SLC26A4: variants seen among roughly 807,000 people sequenced by gnomAD.
SLC26A4 encodes the protein solute carrier family 26 member 4.
A neutral mutation model predicts 90.4 loss-of-function variants in SLC26A4; 93 were observed. That is an observed-to-expected ratio of 1.03 (90% CI 0.87 to 1.22). The LOEUF (loss-of-function observed/expected upper bound fraction) is 1.22. Ranked by LOEUF, SLC26A4 falls within the 50% of genes most tolerant of loss-of-function variation. The pLI, the probability that SLC26A4 is intolerant of heterozygous loss-of-function variation, is 0.00. For missense variants in SLC26A4, 1,127 were observed against 946.2 expected (o/e 1.19, Z -2.51); for synonymous variants, 393 against 354.6 (o/e 1.11, Z -1.22).
chr7:107,664,712 A>T (rs1790662444), intron 3 of SLC26A4, among the ~76,000 whole-genome samples: 1 of 152,150 alleles, frequency 6.6e-6, no homozygotes, highest in Non-Finnish European at 1.5e-5. Context: ...GTTCTTTTAT[A>T]AACTGAGTTC....
intron 8 of SLC26A4, among the ~76,000 whole-genome samples, chr7:107,688,088 T>C (rs1791467621): frequency 6.6e-6 from 1 of 152,166 alleles, no homozygotes; most frequent in Non-Finnish European, 1.5e-5. Flanking sequence ...ACCCACTAAC[T>C]GACATCAAGC....
In SLC26A4 at chr7:107,701,913, A is replaced by G. The variant is rs1791899090; in HGVS notation, c.1890A>G (p.Pro630=). 5.6e-6 allele frequency: 9 copies of G among 1,613,350 alleles called. No individual in the cohort carries two copies. The highest frequency in any genetic ancestry group is 6.8e-6 in the Non-Finnish European group (8 of 1,179,378). ...DIEDLEELDI[P]TKEIEIQVDW... ...AAGATCTGGAGGAACTTGATATCCC[A>G]ACCAAGGAAATAGAGATTCAAGTGG... The change falls in exon 17 of 21, where the codon CCA becomes CCG. Residue 630 remains proline (P), a synonymous_variant. Coordinates refer to ENST00000644269, the MANE Select transcript of SLC26A4 (RefSeq NM_000441.2).
Position 107,710,179 on chromosome 7 carries a change from C to T in SLC26A4, c.2215C>T (p.Gln739Ter), listed in dbSNP as rs727503431. Residue 739 changes from glutamine to a stop codon, truncating the protein, a stop_gained, in exon 19 of 21, where the codon CAA becomes TAA. Transcript: ENST00000644269. LOFTEE classifies it high-confidence loss of function. ...GAACCAAGTGAAATCTCAAGAGGGT[C>T]AAGGTTCCATTTTAGAAACGGTAAA... ...LQNQVKSQEG[Q>*]GSILETITLI... 6.2e-7 allele frequency: 1 copy of T among 1,605,184 alleles called. No individual in the cohort carries two copies. The highest frequency in any genetic ancestry group is 1.7e-5 in the Admixed American group (1 of 59,992).
Position 107,700,183 on chromosome 7 carries a change from T to A in SLC26A4, c.1707+8T>A, listed in dbSNP as rs890794359. Reference sequence around the variant, plus strand: ...AAATGTATCAAGTCCACAGTAAGTATTTTATCCCTAGAAATTTGTTTTCTA... The same window carrying A: ...AAATGTATCAAGTCCACAGTAAGTAATTTATCCCTAGAAATTTGTTTTCTA... On this transcript the variant is annotated splice_region_variant and intron_variant, in intron 15 of 20. Transcript: ENST00000644269. 6 of 1,393,946 alleles carry A rather than the reference T, an allele frequency of 4.3e-6. No individual in the cohort carries two copies. The African/African-American group carries it at 7.1e-5, about 16-fold the overall frequency. The allele number at this position is 1,393,946 out of a possible 1,614,324, so 86.3% of individuals were successfully genotyped here.
chr7:107,664,728 A>G (rs917186603), intron 3 of SLC26A4, among the ~76,000 whole-genome samples: 1 of 152,198 alleles, frequency 6.6e-6, no homozygotes, highest in Non-Finnish European at 1.5e-5. Flanking sequence ...AGTTCATACC[A>G]TAATATTCCC....
intron 17 of SLC26A4, among the ~76,000 whole-genome samples, chr7:107,702,771 T>C (rs750574112): frequency 8.6e-5 from 13 of 151,852 alleles, no homozygotes; most frequent in Non-Finnish European, 1.8e-4. Context: ...TTTCTGAGAA[T>C]GTATAACAAG....
At chr7:107,693,239 C>T in intron 10 of SLC26A4, 1 of 947,504 alleles carries the variant, frequency 1.1e-6, no homozygotes, top group Non-Finnish European at 1.3e-6. Flanking sequence ...GGAAAGAGCA[C>T]CAGGGTACTG....
chr7:107,689,098 G>T lies in SLC26A4; in HGVS notation c.1047G>T (p.Met349Ile). Reference protein sequence around the residue: ...ELPPVSLFSEMLAASFSIAVV... With the variant: ...ELPPVSLFSEILAASFSIAVV... ...CACCTGTGAGCTTGTTCTCGGAGAT[G>T]CTGGCTGCATCATTTTCCATCGCTG... is the stretch of plus-strand genomic sequence containing the variant. The change falls in exon 9 of 21, where the codon ATG (methionine) becomes ATT (isoleucine). Residue 349 changes from methionine (M) to isoleucine (I), a missense_variant. Transcript: ENST00000644269. The T allele has an allele frequency of 6.2e-7, 1 of 1,613,988 alleles. No homozygotes were observed. Among genetic ancestry groups the T allele is most frequent in the Non-Finnish European group, 8.5e-7 (1 of 1,179,884 alleles).
At chr7:107,702,445 A>C (rs533731356) in intron 17 of SLC26A4, among the ~76,000 whole-genome samples, 1 of 152,070 alleles carries the variant, frequency 6.6e-6, no homozygotes, top group African/African-American at 2.4e-5. Context: ...TAATCCCAGC[A>C]CTTCGGGAGG....
Position 107,702,054 on chromosome 7 carries a change from G to C in SLC26A4, c.2031G>C (p.Arg677=). The C allele has an allele frequency of 6.3e-7, 1 of 1,593,216 alleles. No individual in the cohort carries two copies. The highest frequency in any genetic ancestry group is 8.6e-7 in the Non-Finnish European group (1 of 1,161,020). Residue 677 remains arginine, a synonymous_variant, in exon 17 of 21, where the codon CGG becomes CGC. Transcript: ENST00000644269. ...ACGTTGTTGGAGTGAGATCACTGCG[G>C]GTGGTAAGGTTCTGGTTTTCTGAAT... is the stretch of plus-strand genomic sequence containing the variant. ...FLDVVGVRSL[R]VIVKEFQRID...
At chr7:107,686,297 TTCCC>T (rs1408141745) in intron 8 of SLC26A4, among the ~76,000 whole-genome samples, 1 of 39,618 alleles carries the variant, frequency 2.5e-5, no homozygotes, top group Non-Finnish European at 5.6e-5. Flanking sequence ...CTTTCCTACC[TTCCC>T]TCCCTTCCCT....
chr7:107,712,768 G>A (rs1380047416), intron 20 of SLC26A4, 146 bp downstream of exon 20: 5 of 644,994 alleles, frequency 7.8e-6, no homozygotes, highest in South Asian at 5.3e-5. Flanking sequence ...CAGGGAAAAA[G>A]AGAAAATAAG....
intron 6 of SLC26A4, among the ~76,000 whole-genome samples, chr7:107,680,135 T>G (rs1167845730): frequency 4.1e-5 from 5 of 120,722 alleles, no homozygotes; most frequent in Non-Finnish European, 7.8e-5. Context: ...TCTTATTATA[T>G]AATATAATCT....
At chr7:107,677,305 A>G (rs1241523148) in intron 6 of SLC26A4, among the ~76,000 whole-genome samples, 1 of 152,182 alleles carries the variant, frequency 6.6e-6, no homozygotes, top group African/African-American at 2.4e-5. Flanking sequence ...TTTATACTCA[A>G]CTTCCCTAAG....
intron 17 of SLC26A4, among the ~76,000 whole-genome samples, chr7:107,703,884 T>G (rs1271916242): frequency 6.6e-6 from 1 of 152,234 alleles, no homozygotes; most frequent in East Asian, 1.9e-4. Context: ...CTTACCCAGT[T>G]TCTCCCAATG....
Position 107,701,970 on chromosome 7 carries a change from C to T in SLC26A4, c.1947C>T (p.Asn649=), listed in dbSNP as rs761139326. ...ACTCTGAGCTTCCAGTCAAAGTGAA[C>T]GTTCCCAAAGTGCCAATCCATAGCC... is the stretch of plus-strand genomic sequence containing the variant. ...DWNSELPVKV[N]VPKVPIHSLV... The change falls in exon 17 of 21, where the codon AAC becomes AAT. Residue 649 remains asparagine (N), a synonymous_variant. Transcript: ENST00000644269. 3.3e-5 allele frequency: 54 copies of T among 1,613,744 alleles called. No homozygotes were observed. In the Admixed American group the frequency reaches 6.3e-4, roughly 19 times the overall value.
At position 107,674,334 on chromosome 7, in the gene SLC26A4, G is replaced by C; in HGVS notation, c.586G>C (p.Val196Leu). ...GATTGCCAGTGCCCTGACTCTGCTG[G>C]TTGGAATTATACAGGTAATGAACTT... ...VLIASALTLL[V>L]GIIQLIFGGL... is the part of the protein sequence containing the mutation. The change falls in exon 5 of 21, where the codon GTT (valine) becomes CTT (leucine). Residue 196 changes from valine to leucine, a missense_variant. Transcript: ENST00000644269. 1.2e-6 allele frequency: 2 copies of C among 1,612,552 alleles called. No individual in the cohort carries two copies. The highest frequency in any genetic ancestry group is 8.5e-7 in the Non-Finnish European group (1 of 1,178,532).
In SLC26A4 at chr7:107,710,761, G is replaced by T. The variant is rs577746236; in HGVS notation, c.2235+562G>T. Reference sequence around the variant, plus strand: ...TCCAGAATAGGCCCTGATTTCCCATGGGTATTATTTTGTTAATTTTTCTGT... The same window carrying T: ...TCCAGAATAGGCCCTGATTTCCCATTGGTATTATTTTGTTAATTTTTCTGT... On this transcript the variant is annotated intron_variant, in intron 19 of 20. Coordinates refer to ENST00000644269, the MANE Select transcript of SLC26A4 (RefSeq NM_000441.2). Among the ~76,000 whole-genome samples the T allele has an allele frequency of 2.0e-5, 3 of 152,286 alleles. No homozygotes were observed. In the South Asian group the frequency reaches 6.2e-4, roughly 32 times the overall value.
intron 10 of SLC26A4, chr7:107,691,995 G>A (rs1221296705): frequency 7.8e-7 from 1 of 1,288,874 alleles, no homozygotes; most frequent in Non-Finnish European, 1.0e-6. Context: ...GTCTTCAGCG[G>A]GTGCAGGCAA....
Sources: allele counts gnomAD v4.1 joint callset (sites outside exome capture counted in the v4.1 genomes callset), GRCh38; gene constraint gnomAD v4.1.1; transcripts MANE v1.5; gene names NCBI Gene and HGNC (gene_info 2026-07-23, HGNC 2026-07-21).